MRPL13: variants seen among roughly 807,000 people sequenced by gnomAD.
MRPL13 encodes the protein mitochondrial ribosomal protein L13.
In MRPL13, 33 loss-of-function variants were observed where a neutral mutation model predicts 29.0. That is an observed-to-expected ratio of 1.14 (90% CI 0.86 to 1.52). MRPL13 has a LOEUF of 1.52. MRPL13 is among the 40% of genes most tolerant of loss of function. The pLI, the probability that MRPL13 is intolerant of heterozygous loss-of-function variation, is 0.00. For synonymous variants in MRPL13, 77 were observed against 68.4 expected, an observed-to-expected ratio of 1.13 and a Z score of -0.62; for missense variants, 227 against 216.7, an observed-to-expected ratio of 1.05 and a Z score of -0.30.
intron 6 of MRPL13, among the ~76,000 whole-genome samples, chr8:120,405,545 C>T (rs1242315299): frequency 6.6e-6 from 1 of 152,176 alleles, no homozygotes; most frequent in Non-Finnish European, 1.5e-5. Flanking sequence ...AGACCAAAGA[C>T]AGAGCTATTT....
chr8:120,433,281 G>A (rs971824086), intron 2 of MRPL13, among the ~76,000 whole-genome samples: 8 of 152,070 alleles, frequency 5.3e-5, no homozygotes, highest in Non-Finnish European at 1.2e-4. Context: ...AAGAAGGTGG[G>A]AAGATAACCA....
intron 6 of MRPL13, among the ~76,000 whole-genome samples, chr8:120,404,963 G>T (rs1218084745): frequency 2.0e-5 from 3 of 152,136 alleles, no homozygotes; most frequent in Admixed American, 2.0e-4. Context: ...GATACACAGT[G>T]GATGCCTAGT....
At chr8:120,433,582 A>G (rs1813020897) in intron 2 of MRPL13, among the ~76,000 whole-genome samples, 5 of 152,150 alleles carry the variant, frequency 3.3e-5, no homozygotes. Flanking sequence ...GATTGCCACA[A>G]AGCAACTGAA....
chr8:120,432,741 C>T (rs1219923812), intron 2 of MRPL13, among the ~76,000 whole-genome samples: 2 of 151,924 alleles, frequency 1.3e-5, no homozygotes, highest in Non-Finnish European at 2.9e-5. Context: ...GGACAGATGA[C>T]CTGAAAATCA....
chr8:120,429,394 G>A (rs1020275969), intron 3 of MRPL13, among the ~76,000 whole-genome samples: 2 of 151,786 alleles, frequency 1.3e-5, no homozygotes, highest in Non-Finnish European at 2.9e-5. Context: ...AATGGGTACT[G>A]GGCTTAATAC....
intron 6 of MRPL13, among the ~76,000 whole-genome samples, chr8:120,398,734 T>C (rs914397285): frequency 1.3e-5 from 2 of 151,908 alleles, no homozygotes; most frequent in African/African-American, 2.4e-5. Context: ...TGTAACCCAA[T>C]GCAAATAAGT....
chr8:120,408,041 C>T (rs1475504327), intron 6 of MRPL13, among the ~76,000 whole-genome samples: 1 of 152,198 alleles, frequency 6.6e-6, no homozygotes, highest in Non-Finnish European at 1.5e-5. Flanking sequence ...TTTAAAGATG[C>T]TAGCTATACT....
chr8:120,419,617 A>G, intron 5 of MRPL13: 1 of 271,148 alleles, frequency 3.7e-6, no homozygotes, highest in Non-Finnish European at 6.8e-6. Flanking sequence ...AGTGATTAAA[A>G]TTTTTTTTAA....
chr8:120,420,518 G>A (rs1289579263), intron 4 of MRPL13, among the ~76,000 whole-genome samples: 2 of 147,816 alleles, frequency 1.4e-5, no homozygotes, highest in Non-Finnish European at 3.0e-5. Flanking sequence ...TATTTATGTT[G>A]TTAAAATTAA....
chr8:120,414,267 C>T (rs1019161008), intron 5 of MRPL13, 155 bp from the exon 6 acceptor site: 2 of 565,198 alleles, frequency 3.5e-6, no homozygotes. Flanking sequence ...ATAAAAATTC[C>T]CCAAAAGTAC....
At chr8:120,440,536 C>T (rs1385991709) in intron 2 of MRPL13, among the ~76,000 whole-genome samples, 3 of 148,496 alleles carry the variant, frequency 2.0e-5, no homozygotes, top group African/African-American at 7.5e-5. Context: ...ACCCAGGAGG[C>T]GGAGGTTGCA....
chr8:120,420,817 G>A (rs1200140601), intron 4 of MRPL13, among the ~76,000 whole-genome samples: 2 of 151,650 alleles, frequency 1.3e-5, no homozygotes, highest in Non-Finnish European at 2.9e-5. Context: ...AGTGTTACAC[G>A]GCATTTGATT....
intron 4 of MRPL13, among the ~76,000 whole-genome samples, chr8:120,425,052 T>C (rs1455228381): frequency 3.3e-5 from 5 of 152,166 alleles, no homozygotes; most frequent in Admixed American, 2.0e-4. Context: ...TAGGTGATTA[T>C]GCAGGTATCA....
intron 5 of MRPL13, among the ~76,000 whole-genome samples, chr8:120,417,205 G>A (rs1439632586): frequency 6.6e-6 from 1 of 152,176 alleles, no homozygotes; most frequent in Non-Finnish European, 1.5e-5. Flanking sequence ...TTCATAGCAG[G>A]AGGCACCTGA....
rs1563779038 is a variant in MRPL13 at position 120,443,317 on chromosome 8, GGA to G, written c.28-11_28-10del. 1.8e-5 allele frequency: 26 copies of G among 1,415,852 alleles called. No individual in the cohort carries two copies. The highest frequency in any genetic ancestry group is 8.2e-5 in the South Asian group (6 of 73,080). 87.7% of individuals were successfully genotyped at this position (1,415,852 alleles called of 1,614,324 possible). ...GCAAAAGTGGCCCATTGCTTGGGGG[GGA>G]AAAAAAAAAAAAAGAAGAGGAAAAA... On this transcript the variant is annotated splice_polypyrimidine_tract_variant and intron_variant, in intron 1 of 6. Transcript: ENST00000306185.
At chr8:120,431,945 C>A (rs773114469) in intron 3 of MRPL13, 85 bp downstream of exon 3, 1 of 963,026 alleles carries the variant, frequency 1.0e-6, no homozygotes, top group Non-Finnish European at 1.5e-6. Context: ...TTAAAAATAT[C>A]TTTTTTCTTT....
intron 3 of MRPL13, among the ~76,000 whole-genome samples, chr8:120,426,106 C>G (rs1373039917): frequency 6.6e-6 from 1 of 151,928 alleles, no homozygotes; most frequent in Non-Finnish European, 1.5e-5. Context: ...CAAAAGATTT[C>G]TGGGTCAAAT....
chr8:120,418,797 C>T (rs1812834776), intron 5 of MRPL13, among the ~76,000 whole-genome samples: 1 of 151,956 alleles, frequency 6.6e-6, no homozygotes, highest in South Asian at 2.1e-4. Context: ...GATGATACTG[C>T]TCCCATACAT....
intron 2 of MRPL13, among the ~76,000 whole-genome samples, chr8:120,435,129 T>C (rs1392235390): frequency 6.6e-6 from 1 of 152,170 alleles, no homozygotes; most frequent in Non-Finnish European, 1.5e-5. Flanking sequence ...ACAAATCCAC[T>C]TGCTATGTAT....
Sources: allele counts gnomAD v4.1 joint callset (sites outside exome capture counted in the v4.1 genomes callset), GRCh38; gene constraint gnomAD v4.1.1; transcripts MANE v1.5; gene names NCBI Gene and HGNC (gene_info 2026-07-23, HGNC 2026-07-21).